Variants in VWA8 observed in about 807,000 individuals in gnomAD.
The protein encoded by VWA8 is von Willebrand factor A domain containing 8.
VWA8 carries 221 observed loss-of-function variants against 241.5 expected under a neutral mutation model. That is an observed-to-expected ratio of 0.91 (90% CI 0.82 to 1.02). The LOEUF is 1.02. Among genes scored for constraint, VWA8 ranks in the 50% least tolerant of loss-of-function variants. The pLI, the probability that VWA8 is intolerant of heterozygous loss-of-function variation, is 0.00. For missense variants in VWA8, 2,322 were observed against 2,328.7 expected (o/e 1.00, Z 0.06); for synonymous variants, 852 against 827.1 (o/e 1.03, Z -0.52).
chr13:41,671,011 C>T lies in VWA8; in HGVS notation c.4546G>A (p.Glu1516Lys). ...GHIRLWETGL[E>K]RLQRSLMEWR... is the part of the protein sequence containing the mutation. ...TCCATGAGTGATCGCTGCAGACGTT[C>T]AAGTCCAGTTTCCCAAAGCCTGATG... Residue 1516 changes from glutamate (E) to lysine (K), a missense_variant, in exon 37 of 45, where the codon GAA (glutamate) becomes AAA (lysine). Physicochemically the swap from Glu to Lys is moderately conservative, Grantham distance 56. Transcript: ENST00000379310. 1 of 1,613,984 alleles carries T rather than the reference C, an allele frequency of 6.2e-7. No individual in the cohort carries two copies. Among genetic ancestry groups the T allele is most frequent in the Non-Finnish European group, 8.5e-7 (1 of 1,179,906 alleles).
intron 2 of VWA8, among the ~76,000 whole-genome samples, chr13:41,944,108 A>AATAAT (rs1877730054): frequency 6.8e-6 from 1 of 146,498 alleles, no homozygotes. Context: ...CTGTCTCAAA[A>AATAAT]AATAATAATA....
rs1447426042 is a variant in VWA8 at position 41,841,838 on chromosome 13, TATATATATATATATATATATAA to T, written c.1426-8329_1426-8308del. On this transcript the variant is annotated intron_variant, in intron 12 of 44. Transcript: ENST00000379310. Reference sequence around the variant, plus strand: ...AAAAAAAAATATATATATATATATATATATATATATATATATATATAAAAACAGTAGACATTTAATATTTTTT... The same window carrying T: ...AAAAAAAAATATATATATATATATATAAACAGTAGACATTTAATATTTTTT... Among the ~76,000 whole-genome samples the T allele has an allele frequency of 5.5e-3, 475 of 87,008 alleles. 23 individuals carry two copies. Among genetic ancestry groups the T allele is most frequent in the African/African-American group, 0.02 (374 of 18,462 alleles). 57.1% of individuals were successfully genotyped at this position (87,008 alleles called of 152,430 possible).
At chr13:41,771,424 A>G (rs762238173) in intron 20 of VWA8, among the ~76,000 whole-genome samples, 2 of 151,528 alleles carry the variant, frequency 1.3e-5, no homozygotes, top group African/African-American at 2.4e-5. Flanking sequence ...CGCCCAGCCT[A>G]AAAAATAATT....
intron 44 of VWA8, 56 bp from the exon 45 acceptor site, chr13:41,568,361 C>T (rs2044275948): frequency 6.8e-7 from 1 of 1,469,764 alleles, no homozygotes. Flanking sequence ...TCCCTTCCAC[C>T]TCCTGCCCTG....
chr13:41,890,583 G>C (rs1304347782), intron 5 of VWA8, among the ~76,000 whole-genome samples: 1 of 152,130 alleles, frequency 6.6e-6, no homozygotes, highest in African/African-American at 2.4e-5. Flanking sequence ...ATCATTCCAC[G>C]GTACTTATTC....
At chr13:41,872,968 C>T (rs1873709282) in intron 9 of VWA8, among the ~76,000 whole-genome samples, 1 of 152,070 alleles carries the variant, frequency 6.6e-6, no homozygotes, top group African/African-American at 2.4e-5. Flanking sequence ...TTGTTTGTAT[C>T]CTCTTTTATT....
At chr13:41,679,861 G>A (rs1593692856) in intron 35 of VWA8, among the ~76,000 whole-genome samples, 1 of 56,702 alleles carries the variant, frequency 1.8e-5, no homozygotes, top group South Asian at 6.6e-4. Flanking sequence ...GCCCCCGGCC[G>A]CCCCACCATT....
At chr13:41,675,327 T>G in intron 35 of VWA8, 31 bp from the exon 36 acceptor site, 1 of 1,522,404 alleles carries the variant, frequency 6.6e-7, no homozygotes, top group Non-Finnish European at 9.1e-7. Flanking sequence ...GAGCCAAGTA[T>G]TAAATTACTG....
At chr13:41,605,344 G>A (rs1200949834) in intron 39 of VWA8, 68 bp from the exon 40 acceptor site, 20 of 1,473,268 alleles carry the variant, frequency 1.4e-5, no homozygotes, top group Middle Eastern at 2.0e-4. Context: ...ACTTCCATTC[G>A]CCTCCTGCTG....
At chr13:41,744,269 A>G (rs1026700911) in intron 21 of VWA8, among the ~76,000 whole-genome samples, 1 of 152,198 alleles carries the variant, frequency 6.6e-6, no homozygotes, top group Non-Finnish European at 1.5e-5. Flanking sequence ...CATTTCCACA[A>G]ACATTTCCAT....
chr13:41,889,127 C>G (rs1328271989), intron 5 of VWA8, among the ~76,000 whole-genome samples: 1 of 152,078 alleles, frequency 6.6e-6, no homozygotes, highest in African/African-American at 2.4e-5. Context: ...TTTAGAATAT[C>G]AAAGCTACCT....
chr13:41,741,597 T>C (rs1566437355), intron 21 of VWA8, among the ~76,000 whole-genome samples: 1 of 152,252 alleles, frequency 6.6e-6, no homozygotes, highest in Non-Finnish European at 1.5e-5. Flanking sequence ...GTATAACATT[T>C]TTTTATGTAC....
intron 37 of VWA8, among the ~76,000 whole-genome samples, chr13:41,643,438 T>C (rs1252119208): frequency 1.3e-5 from 2 of 152,226 alleles, no homozygotes; most frequent in East Asian, 1.9e-4. Flanking sequence ...GCCTAGTGCA[T>C]AGTAGATCCT....
intron 2 of VWA8, among the ~76,000 whole-genome samples, chr13:41,944,005 T>C (rs1326516216): frequency 6.6e-6 from 1 of 151,888 alleles, no homozygotes; most frequent in East Asian, 1.9e-4. Flanking sequence ...CTCGGGAGGC[T>C]GAGGTAGGAG....
intron 38 of VWA8, 77 bp from the exon 39 acceptor site, chr13:41,611,809 A>G (rs1429101116): frequency 6.4e-7 from 1 of 1,551,472 alleles, no homozygotes; most frequent in African/African-American, 1.4e-5. Flanking sequence ...TGGTTTTAGG[A>G]CAGCCTTGTG....
intron 2 of VWA8, among the ~76,000 whole-genome samples, chr13:41,946,848 T>C (rs1877872624): frequency 6.6e-6 from 1 of 152,204 alleles, no homozygotes; most frequent in Non-Finnish European, 1.5e-5. Context: ...GACACACCTG[T>C]GTACTTCCTT....
rs371767645 is a variant in VWA8, at chr13:41,570,630, A to G, written c.5447T>C (p.Ile1816Thr). ...LEGTEHAIKE[I>T]VKEEADEYFV... ...GTACTCATCAGCTTCTTCTTTGACAATTTCCTTGATGGCATGTTCTGTCCC... is the reference window on the plus strand; with the variant it reads ...GTACTCATCAGCTTCTTCTTTGACAGTTTCCTTGATGGCATGTTCTGTCCC... The change falls in exon 44 of 45, where the codon ATT becomes ACT. Residue 1816 changes from isoleucine (I) to threonine (T), a missense_variant. Ile to Thr is a moderately conservative substitution (Grantham distance 89). Coordinates refer to ENST00000379310, the MANE Select transcript of VWA8 (RefSeq NM_015058.2). The G allele has an allele frequency of 2.5e-6, 4 of 1,614,200 alleles. No homozygotes were observed. Among genetic ancestry groups the G allele is most frequent in the Non-Finnish European group, 3.4e-6 (4 of 1,180,040 alleles).
chr13:41,952,649 C>G (rs964751873), intron 1 of VWA8, among the ~76,000 whole-genome samples: 10 of 152,052 alleles, frequency 6.6e-5, no homozygotes, highest in Non-Finnish European at 1.5e-5. Flanking sequence ...CAAACATTCC[C>G]TGAGTGTTAG....
chr13:41,893,590 A>G (rs1874955168), intron 4 of VWA8, among the ~76,000 whole-genome samples: 2 of 152,316 alleles, frequency 1.3e-5, no homozygotes, highest in South Asian at 4.1e-4. Context: ...TGGGATATTA[A>G]AAGTCAAAAT....
Sources: gnomAD v4.1 joint callset for allele counts (sites outside exome capture counted in the v4.1 genomes callset) on GRCh38, gnomAD v4.1.1 for gene constraint, MANE v1.5 for transcripts, NCBI Gene and HGNC (gene_info 2026-07-23, HGNC 2026-07-21) for gene names.